The following GAB1 variants were observed in gnomAD, a reference collection of about 807,000 sequenced individuals.
The protein encoded by GAB1 is GRB2-associated-binding protein 1.
A neutral mutation model predicts 66.5 loss-of-function variants in GAB1; 19 were observed. The observed-to-expected ratio is 0.29, with a 90% CI of 0.20 to 0.42. The LOEUF is 0.42. GAB1 is among the 10% of genes least tolerant of loss of function. The probability of loss-of-function intolerance (pLI) is 1.00; values close to 1 mark genes in which losing one functional copy is unlikely to be tolerated. For synonymous variants in GAB1, 294 were observed against 301.4 expected (o/e 0.98, Z 0.25); for missense variants, 732 against 858.5 (o/e 0.85, Z 1.84).
At chr4:143,359,448 C>T (rs548913763) in intron 1 of GAB1, among the ~76,000 whole-genome samples, 1 of 152,270 alleles carries the variant, frequency 6.6e-6, no homozygotes, top group South Asian at 2.1e-4. Flanking sequence ...TTCTCCTCCT[C>T]CCTCGGTGTA....
intron 1 of GAB1, chr4:143,349,165 C>A (rs1314756106): frequency 6.7e-6 from 3 of 449,256 alleles, no homozygotes; most frequent in African/African-American, 2.0e-5. Flanking sequence ...TAGGTCCCCC[C>A]CTTCCTAGAT....
At chr4:143,391,707 T>C (rs2149687286) in intron 1 of GAB1, 1 of 152,306 alleles carries the variant, frequency 6.6e-6, no homozygotes, top group Non-Finnish European at 1.5e-5. Context: ...TGCATAGATA[T>C]TCATTGAGAT....
rs138365009 is a variant in GAB1 at position 143,442,912 on chromosome 4, T to C, written c.1585+2530T>C. On this transcript the variant is annotated intron_variant, in intron 6 of 9. Coordinates refer to ENST00000262994, the MANE Select transcript of GAB1 (RefSeq NM_002039.4). ...AAGAGCACCCAGATTGAAATACCCA[T>C]ATAGTTTTTGCCAGAATCAAGAATA... 5.1e-4 allele frequency among the ~76,000 whole-genome samples: 78 copies of C among 151,980 alleles called. No individual in the cohort carries two copies. In the East Asian group the frequency reaches 0.014, roughly 28 times the overall value.
intron 1 of GAB1, among the ~76,000 whole-genome samples, chr4:143,371,040 T>G (rs1730099719): frequency 6.6e-6 from 1 of 152,236 alleles, no homozygotes; most frequent in South Asian, 2.1e-4. Context: ...GCAGCATGAT[T>G]TATATTCCTT....
chr4:143,373,044 A>ACACACACACACACACACACAC (rs1560725364), intron 1 of GAB1, among the ~76,000 whole-genome samples: 1 of 148,154 alleles, frequency 6.7e-6, no homozygotes, highest in African/African-American at 2.5e-5. Flanking sequence ...TTCCTTTAAA[A>ACACACACACACACACACACAC]ACACACACAC....
intron 1 of GAB1, among the ~76,000 whole-genome samples, chr4:143,361,164 G>A (rs1414139768): frequency 1.3e-5 from 2 of 152,000 alleles, no homozygotes; most frequent in Admixed American, 6.6e-5. Context: ...GCAACCTTCA[G>A]ACATTCCAGA....
chr4:143,398,335 A>C (rs563396392), intron 1 of GAB1, among the ~76,000 whole-genome samples: 2 of 152,298 alleles, frequency 1.3e-5, no homozygotes, highest in Non-Finnish European at 2.9e-5. Context: ...TTTTGTATGG[A>C]TCTCTCATTT....
intron 1 of GAB1, among the ~76,000 whole-genome samples, chr4:143,348,929 A>G (rs938322704): frequency 2.6e-5 from 4 of 152,078 alleles, no homozygotes; most frequent in Non-Finnish European, 4.4e-5. Context: ...TTTCTGTCTC[A>G]CAACCAGGCT....
At chr4:143,394,669 A>T (rs1018382716) in intron 1 of GAB1, 1 of 152,112 alleles carries the variant, frequency 6.6e-6, no homozygotes, top group Non-Finnish European at 1.5e-5. Flanking sequence ...ATGTTTCTTC[A>T]TGTTTAATAC....
At chr4:143,413,217 A>C (rs935157145) in intron 1 of GAB1, among the ~76,000 whole-genome samples, 2 of 152,172 alleles carry the variant, frequency 1.3e-5, no homozygotes, top group African/African-American at 4.8e-5. Flanking sequence ...CTTTTGCTTT[A>C]CTTCTGCATT....
intron 1 of GAB1, 43 bp from the exon 2 acceptor site, chr4:143,415,434 A>G (rs775598936): frequency 7.0e-7 from 1 of 1,430,012 alleles, no homozygotes; most frequent in South Asian, 1.3e-5. Context: ...TGAAAACATT[A>G]TCTCAAGTTA....
At chr4:143,451,246 T>G (rs571143123) in intron 6 of GAB1, among the ~76,000 whole-genome samples, 1 of 152,078 alleles carries the variant, frequency 6.6e-6, no homozygotes, top group African/African-American at 2.4e-5. Context: ...TGGCAAAGGA[T>G]CTTCTCGTTA....
chr4:143,338,199 C>T (rs1263595667), intron 1 of GAB1, among the ~76,000 whole-genome samples: 2 of 152,192 alleles, frequency 1.3e-5, no homozygotes, highest in African/African-American at 4.8e-5. Context: ...TATTCTTCCT[C>T]CCCATTGGTT....
chr4:143,345,675 C>G (rs1581210909), intron 1 of GAB1, among the ~76,000 whole-genome samples: 1 of 152,322 alleles, frequency 6.6e-6, no homozygotes, highest in Middle Eastern at 3.4e-3. Flanking sequence ...AGGCCATCCT[C>G]CTGTCAGAAG....
At chr4:143,367,991 C>G (rs1439761381) in intron 1 of GAB1, among the ~76,000 whole-genome samples, 2 of 152,046 alleles carry the variant, frequency 1.3e-5, no homozygotes, top group Non-Finnish European at 2.9e-5. Flanking sequence ...TCCCAAAGTG[C>G]TAGGATTCCA....
intron 1 of GAB1, among the ~76,000 whole-genome samples, chr4:143,362,223 T>C (rs1272578266): frequency 1.3e-5 from 2 of 152,138 alleles, no homozygotes; most frequent in Non-Finnish European, 2.9e-5. Flanking sequence ...CTTAAGATGC[T>C]AATAATAGTT....
chr4:143,342,543 C>CTTTTTTT (rs5862632), intron 1 of GAB1, among the ~76,000 whole-genome samples: 5 of 62,494 alleles, frequency 8.0e-5, no homozygotes, highest in African/African-American at 2.5e-4. Context: ...GTGATAGATT[C>CTTTTTTT]TTTTTTTTTT....
chr4:143,398,352 TAC>T (rs1056165833), intron 1 of GAB1, among the ~76,000 whole-genome samples: 32 of 152,366 alleles, frequency 2.1e-4, no homozygotes, highest in African/African-American at 5.1e-4. Flanking sequence ...ATTTGATTTT[TAC>T]ACAGTTTTTA....
chr4:143,433,505 C>T lies in GAB1; in HGVS notation c.382C>T (p.Pro128Ser). The change falls in exon 3 of 10, where the codon CCT (proline) becomes TCT (serine). Residue 128 changes from proline (P) to serine (S), a missense_variant. Coordinates refer to ENST00000262994, the MANE Select transcript of GAB1 (RefSeq NM_002039.4). ...TGGTGTTGCAGATCCTGTGAAGCCA[C>T]CTGGCAGCTCTTTACAAGCACCAGC... ...NPTEEDPVKPPGSSLQAPADL... is the reference protein window; with the variant it reads ...NPTEEDPVKPSGSSLQAPADL... The T allele has an allele frequency of 6.2e-7, 1 of 1,613,718 alleles. No homozygotes were observed. Among genetic ancestry groups the T allele is most frequent in the South Asian group, 1.1e-5 (1 of 91,074 alleles).
Sources: allele counts gnomAD v4.1 joint callset (sites outside exome capture counted in the v4.1 genomes callset), GRCh38; gene constraint gnomAD v4.1.1; transcripts MANE v1.5; gene names NCBI Gene and HGNC (gene_info 2026-07-23, HGNC 2026-07-21).